ABCD2: variants seen among roughly 807,000 people sequenced by gnomAD.
ABCD2 encodes the protein ATP binding cassette subfamily D member 2, also known as ATP-binding cassette sub-family D member 2.
A neutral mutation model predicts 70.9 loss-of-function variants in ABCD2; 36 were observed. The ratio of observed to expected loss-of-function variants is 0.51; its 90% confidence interval spans 0.39 to 0.67. The LOEUF (loss-of-function observed/expected upper bound fraction) is 0.67. ABCD2 is among the 30% of genes least tolerant of loss of function. The pLI, the probability that ABCD2 is intolerant of heterozygous loss-of-function variation, is 0.00. For missense variants in ABCD2, 729 were observed against 890.2 expected, an observed-to-expected ratio of 0.82 and a Z score of 2.30; for synonymous variants, 304 against 306.9, an observed-to-expected ratio of 0.99 and a Z score of 0.10.
At chr12:39,541,438 C>T in the ABCD2 span, among the ~76,000 whole-genome samples, 2 of 152,158 alleles carry the variant, frequency 1.3e-5, no homozygotes, top group Admixed American at 6.5e-5. Context: ...CGAGGAGCAT[C>T]TCCCATTTCA....
intron 9 of ABCD2, among the ~76,000 whole-genome samples, chr12:39,558,876 T>A (rs1566530343): frequency 6.6e-6 from 1 of 151,034 alleles, no homozygotes; most frequent in Non-Finnish European, 1.5e-5. Context: ...AGATATGAAA[T>A]AATGGGAAAA....
chr12:39,571,702 T>C (rs1334855378), intron 9 of ABCD2, among the ~76,000 whole-genome samples: 2 of 152,180 alleles, frequency 1.3e-5, no homozygotes, highest in East Asian at 3.8e-4. Context: ...CTGAAACTCA[T>C]TTGAGATAAT....
At chr12:39,595,480 G>A (rs1941803865) in intron 6 of ABCD2, among the ~76,000 whole-genome samples, 1 of 152,074 alleles carries the variant, frequency 6.6e-6, no homozygotes, top group African/African-American at 2.4e-5. Flanking sequence ...TAGAAATAAA[G>A]TTATTATCTA....
chr12:39,531,870 C>A, the ABCD2 span, among the ~76,000 whole-genome samples: 1 of 152,226 alleles, frequency 6.6e-6, no homozygotes, highest in Non-Finnish European at 1.5e-5. Context: ...CGCCCAGGGG[C>A]GCCTGGATTG....
chr12:39,611,751 G>A (rs553507885), intron 2 of ABCD2, among the ~76,000 whole-genome samples: 9 of 151,996 alleles, frequency 5.9e-5, no homozygotes, highest in Admixed American at 1.3e-4. Context: ...TTAAGAGAGT[G>A]AAAAGGCCAG....
At chr12:39,562,664 C>A (rs1337493632) in intron 9 of ABCD2, among the ~76,000 whole-genome samples, 2 of 151,896 alleles carry the variant, frequency 1.3e-5, no homozygotes, top group African/African-American at 2.4e-5. Context: ...AGACAAATAA[C>A]AAATAAGGAA....
At chr12:39,612,148 T>C (rs1042529826) in intron 2 of ABCD2, among the ~76,000 whole-genome samples, 4 of 152,154 alleles carry the variant, frequency 2.6e-5, no homozygotes, top group Non-Finnish European at 5.9e-5. Context: ...TGAAAGAACT[T>C]TTTTTGGAAA....
At chr12:39,594,575 A>C (rs1302662846) in intron 6 of ABCD2, among the ~76,000 whole-genome samples, 1 of 152,200 alleles carries the variant, frequency 6.6e-6, no homozygotes, top group African/African-American at 2.4e-5. Context: ...GCCATCAAAG[A>C]AAATATAGAT....
the ABCD2 span, among the ~76,000 whole-genome samples, chr12:39,534,285 C>G: frequency 6.6e-6 from 1 of 152,170 alleles, no homozygotes; most frequent in African/African-American, 2.4e-5. Flanking sequence ...TTATTATCTT[C>G]AGTTAAACAC....
chr12:39,545,728 T>A (rs946371605), downstream of ABCD2, among the ~76,000 whole-genome samples: 1 of 152,198 alleles, frequency 6.6e-6, no homozygotes, highest in Non-Finnish European at 1.5e-5. Context: ...GAGTTTTTTT[T>A]ATACAAACAC....
chr12:39,586,131 G>C (rs1262101849), intron 7 of ABCD2, 21 bp downstream of exon 7: 2 of 1,588,370 alleles, frequency 1.3e-6, no homozygotes, highest in Non-Finnish European at 1.7e-6. Flanking sequence ...AAATGCATTA[G>C]AAAAGAATGA....
At chr12:39,608,745 G>T (rs1942006167) in intron 2 of ABCD2, among the ~76,000 whole-genome samples, 1 of 151,826 alleles carries the variant, frequency 6.6e-6, no homozygotes, top group Admixed American at 6.6e-5. Context: ...TACCTACTGG[G>T]CAATAAAATA....
At chr12:39,560,672 T>A (rs1941243122) in intron 9 of ABCD2, among the ~76,000 whole-genome samples, 1 of 152,128 alleles carries the variant, frequency 6.6e-6, no homozygotes, top group African/African-American at 2.4e-5. Flanking sequence ...TAAAAAGATG[T>A]AAATTGTGAT....
intron 7 of ABCD2, among the ~76,000 whole-genome samples, chr12:39,583,150 G>A (rs939885938): frequency 3.3e-5 from 5 of 152,254 alleles, no homozygotes; most frequent in Admixed American, 3.3e-4. Flanking sequence ...GTGAGCTGCC[G>A]GACGGGGCCA....
chr12:39,570,227 A>C (rs978049742), intron 9 of ABCD2, among the ~76,000 whole-genome samples: 2 of 152,172 alleles, frequency 1.3e-5, no homozygotes, highest in African/African-American at 4.8e-5. Context: ...AGAGAAATAG[A>C]AAAAAAATTC....
intron 2 of ABCD2, among the ~76,000 whole-genome samples, chr12:39,610,553 G>T (rs1942031719): frequency 6.6e-6 from 1 of 152,174 alleles, no homozygotes; most frequent in Admixed American, 6.5e-5. Context: ...TTGGCTCATA[G>T]AAAATCTGGC....
At chr12:39,532,106 G>A in the ABCD2 span, among the ~76,000 whole-genome samples, 1 of 152,200 alleles carries the variant, frequency 6.6e-6, no homozygotes, top group African/African-American at 2.4e-5. Flanking sequence ...TGAGGTATCT[G>A]ACTTTAAGTT....
At chr12:39,607,192 AC>A (rs1941980225) in intron 3 of ABCD2, among the ~76,000 whole-genome samples, 1 of 152,214 alleles carries the variant, frequency 6.6e-6, no homozygotes, top group Non-Finnish European at 1.5e-5. Flanking sequence ...TCAACTCACA[AC>A]AACCCCACAA....
Position 39,553,872 on chromosome 12 carries a change from C to T in ABCD2, c.*40G>A. On this transcript the variant is annotated 3_prime_UTR_variant, in exon 10 of 10. Transcript: ENST00000308666. ...GCAGTATAACAGAATGTCTTTGAGC[C>T]TTTATCTAATAATTAACTTTTAAAA... 1 of 1,451,578 alleles carries T rather than the reference C, an allele frequency of 6.9e-7. No individual in the cohort carries two copies. The highest frequency in any genetic ancestry group is 9.4e-7 in the Non-Finnish European group (1 of 1,059,924). The allele number at this position is 1,451,578 out of a possible 1,614,324, so 89.9% of individuals were successfully genotyped here.
Sources: gnomAD v4.1 joint callset for allele counts (sites outside exome capture counted in the v4.1 genomes callset) on GRCh38, gnomAD v4.1.1 for gene constraint, MANE v1.5 for transcripts, NCBI Gene and HGNC (gene_info 2026-07-23, HGNC 2026-07-21) for gene names.